Variants in DSP observed in about 807,000 individuals in gnomAD.
DSP encodes 250/210 kDa paraneoplastic pemphigus antigen.
Under a neutral mutation model 290.6 loss-of-function variants are expected in DSP, and 114 were observed. The ratio of observed to expected loss-of-function variants is 0.39; its 90% CI spans 0.34 to 0.46. The LOEUF (loss-of-function observed/expected upper bound fraction) is 0.46. Ranked by LOEUF, DSP falls within the 20% of genes least tolerant of loss-of-function variation. DSP has a pLI of 0.99. For missense variants in DSP, 3,230 were observed against 3,495.8 expected, an observed-to-expected ratio of 0.92 and a Z score of 1.92; for synonymous variants, 1,311 against 1,316.4, an observed-to-expected ratio of 1.00 and a Z score of 0.09.
intron 1 of DSP, among the ~76,000 whole-genome samples, chr6:7,551,347 C>T (rs1758336935): frequency 6.6e-6 from 1 of 152,050 alleles, no homozygotes; most frequent in Admixed American, 6.6e-5. Flanking sequence ...TGTTTCCTGG[C>T]TGGGAGTGGT....
Position 7,565,469 on chromosome 6 carries a change from C to T in DSP, c.888C>T (p.Tyr296=), listed in dbSNP as rs149701627. The part of the protein sequence containing the change: ...INDCEEEELL[Y]DWSDKNTNIA... ...ACTGCGAGGAGGAGGAGCTGCTGTA[C>T]GACTGGAGCGACAAGAACACCAACA... The change falls in exon 7 of 24, where the codon TAC becomes TAT. Residue 296 remains tyrosine, a synonymous_variant. Coordinates refer to ENST00000379802, the MANE Select transcript of DSP (RefSeq NM_004415.4). The surrounding 1 kb of genome is among the most constrained non-coding windows in gnomAD (Gnocchi z 4.2). 54 of 1,614,036 alleles carry T rather than the reference C, an allele frequency of 3.3e-5. 2 individuals are homozygous for T. In the Middle Eastern group the frequency reaches 5.0e-4, roughly 15 times the overall value.
In DSP at chr6:7,583,380, A is replaced by G; in HGVS notation, c.6118A>G (p.Ile2040Val). ...SLVEAKRKKL[I>V]SPESTVMLLE... is the part of the protein sequence containing the mutation. ...GGTAGAGGCCAAGAGAAAGAAATTA[A>G]TCAGCCCAGAATCCACAGTCATGCT... The change falls in exon 24 of 24, where the codon ATC becomes GTC. Residue 2040 changes from isoleucine to valine, a missense_variant. Ile to Val is a conservative substitution (Grantham distance 29). Around this residue, in one of 5 missense-constraint regions of DSP, gnomAD observed 1,714 missense variants for 1,844.5 expected, o/e 0.93. Coordinates refer to ENST00000379802, the MANE Select transcript of DSP (RefSeq NM_004415.4). The surrounding 1 kb of genome is among the most constrained non-coding windows in gnomAD (Gnocchi z 4.0). 6.2e-7 allele frequency: 1 copy of G among 1,614,152 alleles called. No homozygotes were observed. Among genetic ancestry groups the G allele is most frequent in the Non-Finnish European group, 8.5e-7 (1 of 1,180,032 alleles).
chr6:7,574,640 T>C lies in DSP; in HGVS notation c.2298-17T>C, dbSNP rs375721577. 6.2e-7 allele frequency: 1 copy of C among 1,613,974 alleles called. No individual in the cohort carries two copies. The highest frequency in any genetic ancestry group is 8.5e-7 in the Non-Finnish European group (1 of 1,179,866). ...TATGTCACTGGCAATTTTATGTGCT[T>C]CTTTTGCTCTTTCCAGCTTATGCAC... On this transcript the variant is annotated splice_polypyrimidine_tract_variant and intron_variant, in intron 16 of 23. Transcript: ENST00000379802.
At position 7,579,526 on chromosome 6, in the gene DSP, C is replaced by T; in HGVS notation, c.3336C>T (p.Thr1112=). 6.2e-7 allele frequency: 1 copy of T among 1,613,838 alleles called. No homozygotes were observed. The highest frequency in any genetic ancestry group is 8.5e-7 in the Non-Finnish European group (1 of 1,179,998). Residue 1112 remains threonine, a synonymous_variant, in exon 23 of 24, where the codon ACC becomes ACT. Coordinates refer to ENST00000379802, the MANE Select transcript of DSP (RefSeq NM_004415.4). The surrounding 1 kb of genome is among the most constrained non-coding windows in gnomAD (Gnocchi z 4.1). ...GQIKELNEKI[T]RLTYEIEDEK... ...TAAAAGAACTCAATGAGAAGATCACCCGACTGACTTATGAGATTGAAGATG... is the reference window on the plus strand; with the variant it reads ...TAAAAGAACTCAATGAGAAGATCACTCGACTGACTTATGAGATTGAAGATG...
At chr6:7,574,874 G>T in intron 17 of DSP, 79 bp downstream of exon 17, 1 of 1,599,622 alleles carries the variant, frequency 6.3e-7, no homozygotes, top group Non-Finnish European at 8.6e-7. Flanking sequence ...AAGCCTCACT[G>T]GGTTTTCATG....
At chr6:7,553,237 G>C (rs2744369) in intron 1 of DSP, among the ~76,000 whole-genome samples, 1 of 151,858 alleles carries the variant, frequency 6.6e-6, no homozygotes, top group Non-Finnish European at 1.5e-5. Context: ...CCCAAAGTGC[G>C]GGGATTACAG....
chr6:7,559,335 T>C lies in DSP; in HGVS notation c.532T>C (p.Ser178Pro). Reference protein sequence around the residue: ...GGGGYTCQSGSGWDEFTKHVT... With the variant: ...GGGGYTCQSGPGWDEFTKHVT... ...TGGAGGCTACACTTGTCAGAGTGGCTCTGGCTGGGATGAGTTCACCAAACA... is the reference window on the plus strand; with the variant it reads ...TGGAGGCTACACTTGTCAGAGTGGCCCTGGCTGGGATGAGTTCACCAAACA... Residue 178 changes from serine (S) to proline (P), a missense_variant, in exon 4 of 24, where the codon TCT becomes CCT. Ser to Pro is a moderately conservative substitution (Grantham distance 74). This residue lies in a region of DSP where 646 missense variants were observed against 684.3 expected (regional missense o/e 0.94). Transcript: ENST00000379802. The C allele has an allele frequency of 1.9e-6, 3 of 1,613,734 alleles. No individual in the cohort carries two copies. The highest frequency in any genetic ancestry group is 2.5e-6 in the Non-Finnish European group (3 of 1,180,036).
At chr6:7,568,234 C>T (rs1221404248) in intron 10 of DSP, among the ~76,000 whole-genome samples, 1 of 152,206 alleles carries the variant, frequency 6.6e-6, no homozygotes, top group Admixed American at 6.5e-5. Context: ...TCCCTGCCCA[C>T]TTAATTCCTG....
At chr6:7,575,235 A>C in intron 17 of DSP, 60 bp from the exon 18 acceptor site, 1 of 1,570,952 alleles carries the variant, frequency 6.4e-7, no homozygotes, top group Non-Finnish European at 8.8e-7. Context: ...GGTGACTTGT[A>C]GTGTAGCATA....
chr6:7,574,358 ATT>A, intron 16 of DSP, 106 bp downstream of exon 16: 1 of 1,171,572 alleles, frequency 8.5e-7, no homozygotes, highest in Non-Finnish European at 1.3e-6. Context: ...GTTACTAGAG[ATT>A]TACTTACATC....
chr6:7,573,216 C>T (rs374420027), intron 15 of DSP, among the ~76,000 whole-genome samples: 19 of 151,996 alleles, frequency 1.3e-4, no homozygotes, highest in African/African-American at 3.9e-4. Flanking sequence ...TCATCATTGA[C>T]CAAAACATCA....
At chr6:7,551,807 T>C (rs1222706726) in intron 1 of DSP, among the ~76,000 whole-genome samples, 11 of 152,314 alleles carry the variant, frequency 7.2e-5, no homozygotes, top group Middle Eastern at 3.4e-3. Flanking sequence ...GGATTCTTCA[T>C]TGGGCTAAGA....
intron 1 of DSP, among the ~76,000 whole-genome samples, chr6:7,551,655 T>C (rs544899868): frequency 6.6e-6 from 1 of 151,762 alleles, no homozygotes; most frequent in Non-Finnish European, 1.5e-5. Flanking sequence ...GCATGTTTCC[T>C]GAAGCAAGCT....
intron 17 of DSP, 44 bp from the exon 18 acceptor site, chr6:7,575,251 G>A: frequency 6.2e-7 from 1 of 1,606,428 alleles, no homozygotes. Flanking sequence ...GCATACAATG[G>A]GAGAAGGGAT....
chr6:7,580,940 G>T lies in DSP; in HGVS notation c.4750G>T (p.Ala1584Ser), dbSNP rs191778417. 3 of 1,614,078 alleles carry T rather than the reference G, an allele frequency of 1.9e-6. No individual in the cohort carries two copies. The highest frequency in any genetic ancestry group is 2.5e-6 in the Non-Finnish European group (3 of 1,180,014). ...GGAGCTGAATCGGCTGAAGAGGACC[G>T]CGTCAGAAGACTCCTGCAAGAGGAA... ...EEELNRLKRTASEDSCKRKKL... is the reference protein window; with the variant it reads ...EEELNRLKRTSSEDSCKRKKL... Residue 1584 changes from alanine to serine, a missense_variant, in exon 23 of 24, where the codon GCG becomes TCG. Around this residue, in one of 5 missense-constraint regions of DSP, gnomAD observed 1,714 missense variants for 1,844.5 expected, o/e 0.93. Transcript: ENST00000379802. This position sits in a 1 kb window ranked among gnomAD's most constrained non-coding sequence, Gnocchi z 4.2.
chr6:7,585,844 C>A lies in DSP; in HGVS notation c.8582C>A (p.Ser2861Tyr). 3 of 1,614,018 alleles carry A rather than the reference C, an allele frequency of 1.9e-6. No homozygotes were observed. Among genetic ancestry groups the A allele is most frequent in the Non-Finnish European group, 2.5e-6 (3 of 1,179,994 alleles). The change falls in exon 24 of 24, where the codon TCC becomes TAC. Residue 2861 changes from serine to tyrosine, a missense_variant. Transcript: ENST00000379802. ...ACAGGGAATTCTTCCTACTCTTATT[C>A]CTACTCATTTAGCAGTAGTTCTATT... is the stretch of plus-strand genomic sequence containing the variant. ...DATGNSSYSY[S>Y]YSFSSSSIGH
chr6:7,581,590 A>G (rs1759443411), intron 23 of DSP, 21 bp downstream of exon 23: 1 of 1,610,860 alleles, frequency 6.2e-7, no homozygotes, highest in Non-Finnish European at 8.5e-7. Context: ...ATACTTGATC[A>G]CAGCTTCACT....
In DSP at chr6:7,582,392, C is replaced by T. The variant is rs930678354; in HGVS notation, c.5380-250C>T. On this transcript the variant is annotated intron_variant, in intron 23 of 23. Transcript: ENST00000379802. This position sits in a 1 kb window ranked among gnomAD's most constrained non-coding sequence, Gnocchi z 4.2. ...TGTTAAGAGTAAGACAGGTCTGCAA[C>T]TTACAGTTCCTTCTATAGAAAAAAA... 6.6e-6 allele frequency among the ~76,000 whole-genome samples: 1 copy of T among 151,576 alleles called. No individual in the cohort carries two copies. Among genetic ancestry groups the T allele is most frequent in the Non-Finnish European group, 1.5e-5 (1 of 67,932 alleles).
Position 7,574,159 on chromosome 6 carries a change from G to A in DSP, c.2204G>A (p.Gly735Asp). The A allele has an allele frequency of 6.2e-7, 1 of 1,614,062 alleles. No individual in the cohort carries two copies. ...AAAGATATGCTTGCCAACTTCAGAG[G>A]TTCTGAAAAGTACTGCTATTTACAG... ...QLKDMLANFR[G>D]SEKYCYLQNE... Residue 735 changes from glycine to aspartate, a missense_variant, in exon 16 of 24, where the codon GGT (glycine) becomes GAT (aspartate). Transcript: ENST00000379802.
Sources: allele counts gnomAD v4.1 joint callset (sites outside exome capture counted in the v4.1 genomes callset), GRCh38; gene constraint gnomAD v4.1.1; regional missense constraint gnomAD v4.1.1; non-coding constraint Gnocchi (gnomAD v3.1); transcripts MANE v1.5; gene names NCBI Gene and HGNC (gene_info 2026-07-23, HGNC 2026-07-21).